PTPRN2: variants seen among roughly 807,000 people sequenced by gnomAD.
PTPRN2 encodes protein tyrosine phosphatase receptor type N2, also known as receptor-type tyrosine-protein phosphatase N2.
PTPRN2 carries 74 observed loss-of-function variants against 118.8 expected under a neutral mutation model. That is an observed-to-expected ratio of 0.62 (90% CI 0.52 to 0.76). The LOEUF (loss-of-function observed/expected upper bound fraction) is 0.76. Ranked by LOEUF, PTPRN2 falls within the 30% of genes least tolerant of loss-of-function variation. The pLI is 0.00. For missense variants in PTPRN2, 1,481 were observed against 1,394.4 expected, an observed-to-expected ratio of 1.06 and a Z score of -0.99; for synonymous variants, 641 against 608.0, an observed-to-expected ratio of 1.05 and a Z score of -0.80.
At chr7:157,975,564 C>T (rs895112215) in intron 11 of PTPRN2, among the ~76,000 whole-genome samples, 1 of 152,180 alleles carries the variant, frequency 6.6e-6, no homozygotes, top group Non-Finnish European at 1.5e-5. Context: ...CTTGGGCGAG[C>T]TCCCTAGACC....
intron 3 of PTPRN2, among the ~76,000 whole-genome samples, chr7:158,305,138 C>G (rs1013919069): frequency 6.6e-6 from 1 of 152,144 alleles, no homozygotes; most frequent in African/African-American, 2.4e-5. Flanking sequence ...TGTCCAAACA[C>G]CCCTTCCCAT....
At position 157,788,150 on chromosome 7, in the gene PTPRN2, C is replaced by T. The variant is rs149526653; in HGVS notation, c.1789-105213G>A. 3.6e-3 allele frequency among the ~76,000 whole-genome samples: 550 copies of T among 152,160 alleles called. 15 individuals carry two copies. The South Asian group carries it at 0.067, about 18-fold the overall frequency. ...CAGCACTTTGGGAGGCTGAGGCGGG[C>T]GGATCACGAGGTCAGGAGATCGAGA... On this transcript the variant is annotated intron_variant, in intron 12 of 22. Transcript: ENST00000389418.
At chr7:158,201,810 G>A (rs994111801) in intron 4 of PTPRN2, among the ~76,000 whole-genome samples, 3 of 152,168 alleles carry the variant, frequency 2.0e-5, no homozygotes, top group Non-Finnish European at 4.4e-5. Flanking sequence ...GGAAGCCCCT[G>A]CTTTGAGTTG....
At chr7:157,568,868 G>A in intron 21 of PTPRN2, 34 bp downstream of exon 21, 1 of 1,527,678 alleles carries the variant, frequency 6.5e-7, no homozygotes, top group Admixed American at 1.7e-5. Flanking sequence ...TCCCAGCTCT[G>A]AGCCGCAACA....
At chr7:158,412,128 TCTCAGCACCCTC>T (rs1814161709) in intron 2 of PTPRN2, among the ~76,000 whole-genome samples, 1 of 128,202 alleles carries the variant, frequency 7.8e-6, no homozygotes, top group African/African-American at 3.0e-5. Context: ...CCAGGGCCCA[TCTCAGCACCCTC>T]CTCAGCACCA....
At chr7:158,107,880 C>T (rs1347637232) in intron 10 of PTPRN2, among the ~76,000 whole-genome samples, 4 of 151,122 alleles carry the variant, frequency 2.6e-5, no homozygotes, top group South Asian at 4.2e-4. Flanking sequence ...CCCTGCACAC[C>T]GTCTGCCCAC....
intron 10 of PTPRN2, among the ~76,000 whole-genome samples, chr7:158,084,898 G>GACGCCC (rs1813159026): frequency 2.4e-5 from 3 of 124,786 alleles, no homozygotes; most frequent in African/African-American, 6.3e-5. Context: ...CCACATCCTC[G>GACGCCC]ATGCCCATCC....
At chr7:158,554,189 C>G (rs1467015351) in intron 1 of PTPRN2, among the ~76,000 whole-genome samples, 1 of 152,216 alleles carries the variant, frequency 6.6e-6, no homozygotes, top group African/African-American at 2.4e-5. Flanking sequence ...TTGCTTGAAC[C>G]TGGGAGGCGG....
intron 6 of PTPRN2, among the ~76,000 whole-genome samples, chr7:158,140,384 G>A (rs898699510): frequency 1.1e-4 from 16 of 152,190 alleles, no homozygotes; most frequent in African/African-American, 3.6e-4. Context: ...AGTGAAACCC[G>A]TAACCATGAG....
chr7:158,265,305 C>T (rs749384872), intron 3 of PTPRN2, among the ~76,000 whole-genome samples: 14 of 152,296 alleles, frequency 9.2e-5, no homozygotes, highest in Non-Finnish European at 2.1e-4. Context: ...CGAGCACATA[C>T]CTGCAGGCAC....
chr7:157,551,532 C>G (rs1282696251), intron 21 of PTPRN2, among the ~76,000 whole-genome samples: 2 of 150,812 alleles, frequency 1.3e-5, no homozygotes, highest in African/African-American at 4.9e-5. Flanking sequence ...TCACACACCC[C>G]ACACACCCCA....
intron 1 of PTPRN2, among the ~76,000 whole-genome samples, chr7:158,578,831 C>T (rs1333657774): frequency 1.3e-5 from 2 of 152,070 alleles, no homozygotes; most frequent in African/African-American, 4.8e-5. Context: ...GGCACAATCT[C>T]ATTTCACTGC....
chr7:158,168,134 T>C (rs1823196947), intron 5 of PTPRN2, among the ~76,000 whole-genome samples: 1 of 152,256 alleles, frequency 6.6e-6, no homozygotes, highest in African/African-American at 2.4e-5. Context: ...CCAGTTCCTC[T>C]GCATCTTTGC....
At chr7:158,133,555 T>C in intron 9 of PTPRN2, 122 bp downstream of exon 9, 1 of 1,364,648 alleles carries the variant, frequency 7.3e-7, no homozygotes, top group Non-Finnish European at 9.8e-7. Flanking sequence ...CTGCACCCCA[T>C]TATTCAGTTG....
chr7:158,500,732 AAAGACGTGACCAGGGCTGTT>A, intron 1 of PTPRN2, among the ~76,000 whole-genome samples: 1 of 152,372 alleles, frequency 6.6e-6, no homozygotes, highest in South Asian at 2.1e-4. Context: ...ACTGAAGTTG[AAAGACGTGACCAGGGCTGTT>A]AAACGCCATC....
At chr7:157,594,308 C>T (rs1424179505) in intron 17 of PTPRN2, among the ~76,000 whole-genome samples, 2 of 152,358 alleles carry the variant, frequency 1.3e-5, no homozygotes, top group African/African-American at 4.8e-5. Flanking sequence ...AGTGAATTTA[C>T]CAACTCCGGT....
At chr7:158,305,677 TTA>T (rs1345141955) in intron 3 of PTPRN2, among the ~76,000 whole-genome samples, 1 of 151,866 alleles carries the variant, frequency 6.6e-6, no homozygotes, top group Non-Finnish European at 1.5e-5. Flanking sequence ...GCAAAGAACC[TTA>T]AACATTCCCT....
rs900681313 is a variant in PTPRN2 at position 158,023,053 on chromosome 7, C to T, written c.1723+58245G>A. Among the ~76,000 whole-genome samples, 7 of 152,272 alleles carry T rather than the reference C, an allele frequency of 4.6e-5. No homozygotes were observed. The South Asian group carries it at 8.3e-4, about 18-fold the overall frequency. ...ATTTATCCCTGATAAACAAAAATCACGGCACAAAGCAGAACGGTGGCTGTT... is the reference window on the plus strand; with the variant it reads ...ATTTATCCCTGATAAACAAAAATCATGGCACAAAGCAGAACGGTGGCTGTT... On this transcript the variant is annotated intron_variant, in intron 11 of 22. Coordinates refer to ENST00000389418, the MANE Select transcript of PTPRN2 (RefSeq NM_002847.5).
At chr7:158,344,943 C>G (rs1409641507) in intron 2 of PTPRN2, among the ~76,000 whole-genome samples, 2 of 152,174 alleles carry the variant, frequency 1.3e-5, no homozygotes, top group African/African-American at 2.4e-5. Context: ...TGGACGATAC[C>G]CAAAACAGAG....
Sources: allele counts gnomAD v4.1 joint callset (sites outside exome capture counted in the v4.1 genomes callset), GRCh38; gene constraint gnomAD v4.1.1; transcripts MANE v1.5; gene names NCBI Gene and HGNC (gene_info 2026-07-23, HGNC 2026-07-21).